The following C12orf42 variants were observed in gnomAD, a reference collection of about 807,000 sequenced individuals.
C12orf42 encodes the protein chromosome 12 open reading frame 42, also known as uncharacterized protein C12orf42.
Under a neutral mutation model 21.6 loss-of-function variants are expected in C12orf42, and 25 were observed. That is an observed-to-expected ratio of 1.16 (90% CI 0.84 to 1.62). The LOEUF (loss-of-function observed/expected upper bound fraction) is 1.62. Among genes scored for constraint, C12orf42 ranks in the 40% most tolerant of loss-of-function variants. The pLI, the probability that C12orf42 is intolerant of heterozygous loss-of-function variation, is 0.00. For missense variants in C12orf42, 483 were observed against 459.3 expected (o/e 1.05, Z -0.47); for synonymous variants, 174 against 175.0 (o/e 0.99, Z 0.05).
intron 2 of C12orf42, among the ~76,000 whole-genome samples, chr12:103,461,340 T>A (rs962300020): frequency 2.0e-5 from 3 of 152,124 alleles, no homozygotes; most frequent in Non-Finnish European, 2.9e-5. Flanking sequence ...AACAACATAA[T>A]CCTGCATTAC....
chr12:103,351,768 A>G (rs1330420278), intron 4 of C12orf42, among the ~76,000 whole-genome samples: 5 of 152,206 alleles, frequency 3.3e-5, no homozygotes, highest in African/African-American at 1.2e-4. Context: ...AAGTCTTGAT[A>G]AAATAAATTT....
At chr12:103,094,500 A>T in the C12orf42 span, among the ~76,000 whole-genome samples, 1 of 152,172 alleles carries the variant, frequency 6.6e-6, no homozygotes, top group African/African-American at 2.4e-5. Context: ...CATTTAATTC[A>T]TGAGTTCTTT....
At chr12:103,408,271 T>C (rs1330385140) in intron 2 of C12orf42, among the ~76,000 whole-genome samples, 1 of 152,186 alleles carries the variant, frequency 6.6e-6, no homozygotes, top group Non-Finnish European at 1.5e-5. Flanking sequence ...AATTTAACCA[T>C]GCATGAGACA....
chr12:103,428,077 G>C (rs751521073), intron 2 of C12orf42, among the ~76,000 whole-genome samples: 15 of 152,098 alleles, frequency 9.9e-5, no homozygotes, highest in Non-Finnish European at 1.6e-4. Context: ...AGAGAAGCAA[G>C]AGCAAACAAA....
At chr12:103,345,242 G>A (rs1396707080) in intron 4 of C12orf42, among the ~76,000 whole-genome samples, 1 of 152,070 alleles carries the variant, frequency 6.6e-6, no homozygotes, top group African/African-American at 2.4e-5. Context: ...TATAATAACT[G>A]GGAATTATTC....
chr12:103,300,051 A>C (rs2037547281), downstream of C12orf42, among the ~76,000 whole-genome samples: 1 of 152,216 alleles, frequency 6.6e-6, no homozygotes. Context: ...ATTTGAAAAG[A>C]AATCCTTACT....
intron 2 of C12orf42, among the ~76,000 whole-genome samples, chr12:103,425,103 G>A (rs962113477): frequency 9.2e-5 from 14 of 152,126 alleles, no homozygotes; most frequent in Non-Finnish European, 2.1e-4. Context: ...ACCACAGCTC[G>A]GCAAAGCCAC....
chr12:103,250,686 T>C (rs2034255825), intron 10 of C12orf42, among the ~76,000 whole-genome samples: 1 of 152,196 alleles, frequency 6.6e-6, no homozygotes, highest in Non-Finnish European at 1.5e-5. Flanking sequence ...TGTTGACTTA[T>C]AGCAGTCACG....
the C12orf42 span, among the ~76,000 whole-genome samples, chr12:103,188,658 A>T: frequency 6.6e-6 from 1 of 152,162 alleles, no homozygotes; most frequent in Non-Finnish European, 1.5e-5. Context: ...GGTAGTTCAC[A>T]TGAGAATTGA....
the C12orf42 span, among the ~76,000 whole-genome samples, chr12:103,209,265 C>T: frequency 6.6e-6 from 1 of 152,094 alleles, no homozygotes; most frequent in African/African-American, 2.4e-5. Context: ...AAGTTGTTTA[C>T]CTCACTCACA....
At chr12:103,139,288 G>T in the C12orf42 span, among the ~76,000 whole-genome samples, 4 of 152,146 alleles carry the variant, frequency 2.6e-5, no homozygotes, top group Non-Finnish European at 5.9e-5. Flanking sequence ...CAGACATGTA[G>T]ATGTCATATA....
the C12orf42 span, chr12:103,505,848 C>T: frequency 5.7e-6 from 1 of 175,464 alleles, no homozygotes; most frequent in South Asian, 1.3e-4. Flanking sequence ...ATGGCAAAAG[C>T]ACCACGGGCC....
chr12:103,456,623 A>C (rs1464362139), intron 2 of C12orf42, among the ~76,000 whole-genome samples: 2 of 152,192 alleles, frequency 1.3e-5, no homozygotes, highest in Non-Finnish European at 2.9e-5. Context: ...AATTATTAGC[A>C]AAATATAAAG....
intron 1 of C12orf42, among the ~76,000 whole-genome samples, chr12:103,487,095 G>A (rs543841026): frequency 5.3e-5 from 8 of 152,298 alleles, no homozygotes; most frequent in East Asian, 1.9e-4. Context: ...GGCATTTAGT[G>A]CTATAAATTT....
At chr12:103,320,694 A>C (rs931446217) in intron 4 of C12orf42, among the ~76,000 whole-genome samples, 4 of 152,260 alleles carry the variant, frequency 2.6e-5, no homozygotes, top group African/African-American at 2.4e-5. Context: ...ATTAAATATC[A>C]TCTTTTTAAA....
At chr12:103,189,977 A>ATATG in the C12orf42 span, among the ~76,000 whole-genome samples, 1 of 151,822 alleles carries the variant, frequency 6.6e-6, no homozygotes, top group Admixed American at 6.6e-5. Context: ...ATGTGTATAT[A>ATATG]TATATATACA....
chr12:103,256,099 TATATATATATATACACACACAC>T (rs2034576528), intron 10 of C12orf42, among the ~76,000 whole-genome samples: 2 of 35,990 alleles, frequency 5.6e-5, no homozygotes, highest in African/African-American at 1.7e-4. Context: ...TATATATATA[TATATATATATATACACACACAC>T]ACACACACAC....
the C12orf42 span, among the ~76,000 whole-genome samples, chr12:103,127,469 TA>T: frequency 1.3e-5 from 2 of 152,084 alleles, no homozygotes; most frequent in East Asian, 1.9e-4. Flanking sequence ...ATTGCTTGCA[TA>T]AAAAAATGCA....
the C12orf42 span, among the ~76,000 whole-genome samples, chr12:103,061,832 C>A: frequency 1.3e-5 from 2 of 151,728 alleles, no homozygotes; most frequent in African/African-American, 4.8e-5. Flanking sequence ...ATTTAGTACA[C>A]ATATATTTCA....
Sources: allele counts gnomAD v4.1 joint callset (sites outside exome capture counted in the v4.1 genomes callset), GRCh38; gene constraint gnomAD v4.1.1; transcripts MANE v1.5; gene names NCBI Gene and HGNC (gene_info 2026-07-23, HGNC 2026-07-21).